TENM4: variants seen among roughly 807,000 people sequenced by gnomAD.
TENM4 encodes teneurin transmembrane protein 4.
TENM4 carries 82 observed loss-of-function variants against 243.3 expected under a neutral mutation model. The observed-to-expected ratio is 0.34, with a 90% CI of 0.28 to 0.40. The LOEUF (loss-of-function observed/expected upper bound fraction) is 0.40, where lower values mean the gene tolerates loss of function less well. TENM4 is among the 10% of genes least tolerant of loss of function. The pLI is 1.00. For synonymous variants in TENM4, 1,412 were observed against 1,456.3 expected, an observed-to-expected ratio of 0.97 and a Z score of 0.69; for missense variants, 3,138 against 3,673.3, an observed-to-expected ratio of 0.85 and a Z score of 3.77.
chr11:79,130,747 CG>C (rs532473228), intron 4 of TENM4, among the ~76,000 whole-genome samples: 1 of 152,004 alleles, frequency 6.6e-6, no homozygotes, highest in Non-Finnish European at 1.5e-5. Context: ...GGTGTGAACT[CG>C]GGGGGCGGAG....
chr11:79,162,558 A>G (rs1862773257), intron 3 of TENM4, among the ~76,000 whole-genome samples: 1 of 152,096 alleles, frequency 6.6e-6, no homozygotes, highest in Admixed American at 6.6e-5. Flanking sequence ...GAAGATAAGT[A>G]TTATTTTCTA....
chr11:79,396,978 T>A (rs927670250), intron 1 of TENM4, among the ~76,000 whole-genome samples: 2 of 152,194 alleles, frequency 1.3e-5, no homozygotes, highest in Admixed American at 6.5e-5. Context: ...CCTCTTTGAG[T>A]TTCTCCTGAG....
At chr11:78,863,392 T>C (rs1047255971) in intron 9 of TENM4, among the ~76,000 whole-genome samples, 1 of 152,092 alleles carries the variant, frequency 6.6e-6, no homozygotes, top group Non-Finnish European at 1.5e-5. Flanking sequence ...TCTCAGGAGG[T>C]CTTGGTCTTT....
rs1289770738 is a variant in TENM4, at chr11:79,164,588, A to C, written c.-162-15782T>G. Among the ~76,000 whole-genome samples the C allele has an allele frequency of 3.4e-5, 5 of 145,696 alleles. No homozygotes were observed. In the East Asian group the frequency reaches 7.9e-4, roughly 23 times the overall value. ...TACTATATACTATATATATACATATATATATCTATATAGTACGGTTTGGCT... is the reference window on the plus strand; with the variant it reads ...TACTATATACTATATATATACATATCTATATCTATATAGTACGGTTTGGCT... On this transcript the variant is annotated intron_variant, in intron 3 of 33. Transcript: ENST00000278550.
chr11:79,297,125 CA>C (rs1856468065), intron 2 of TENM4, among the ~76,000 whole-genome samples: 1 of 152,154 alleles, frequency 6.6e-6, no homozygotes, highest in Non-Finnish European at 1.5e-5. Flanking sequence ...CTTGACGTAC[CA>C]AACAGTTGGG....
At chr11:78,716,195 C>T (rs768178393) in intron 25 of TENM4, among the ~76,000 whole-genome samples, 1 of 152,082 alleles carries the variant, frequency 6.6e-6, no homozygotes, top group Non-Finnish European at 1.5e-5. Flanking sequence ...CTTTCTACTT[C>T]CCCACCCTGC....
rs1855662924 is a variant in TENM4, at chr11:78,891,432, T to C, written c.750-96A>G. 2.7e-6 allele frequency: 3 copies of C among 1,117,338 alleles called. No homozygotes were observed. In the African/African-American group the frequency reaches 4.6e-5, roughly 17 times the overall value. 69.2% of individuals were successfully genotyped at this position (1,117,338 alleles called of 1,614,324 possible). Reference sequence around the variant, plus strand: ...ACAAAGTGGCTGTTTGGTGCAGCTGTGTGCGTAAGACCAGCGGGACACGGT... The same window carrying C: ...ACAAAGTGGCTGTTTGGTGCAGCTGCGTGCGTAAGACCAGCGGGACACGGT... On this transcript the variant is annotated intron_variant, in intron 7 of 33. Coordinates refer to ENST00000278550, the MANE Select transcript of TENM4 (RefSeq NM_001098816.3).
chr11:78,796,052 G>T lies in TENM4; in HGVS notation c.2180-8969C>A, dbSNP rs148431638. On this transcript the variant is annotated intron_variant, in intron 15 of 33. Coordinates refer to ENST00000278550, the MANE Select transcript of TENM4 (RefSeq NM_001098816.3). ...AGTTAATGAGCCTTGGAAACCACAC[G>T]GCCTTTCACCTCATTCAAGGAGCTT... Among the ~76,000 whole-genome samples, 886 of 152,082 alleles carry T rather than the reference G, an allele frequency of 5.8e-3. 23 individuals carry two copies. The highest frequency in any genetic ancestry group is 0.047 in the Admixed American group (712 of 15,266).
intron 4 of TENM4, among the ~76,000 whole-genome samples, chr11:79,087,271 A>C (rs1035531075): frequency 2.6e-5 from 4 of 152,248 alleles, no homozygotes; most frequent in East Asian, 1.9e-4. Flanking sequence ...CTCTGAGTGC[A>C]GAGGTATGTC....
At chr11:79,409,103 C>CGT (rs1323136993) in intron 1 of TENM4, among the ~76,000 whole-genome samples, 1 of 55,214 alleles carries the variant, frequency 1.8e-5, no homozygotes, top group African/African-American at 6.4e-5. Context: ...TGTGTGTGTG[C>CGT]GCGCGCGCGC....
chr11:78,786,544 C>T (rs115400856), intron 16 of TENM4, among the ~76,000 whole-genome samples: 1,541 of 152,352 alleles, frequency 0.01, 33 homozygotes, highest in African/African-American at 0.035. Context: ...AGAAAGTTGA[C>T]GGGGCTTGCC....
intron 2 of TENM4, among the ~76,000 whole-genome samples, chr11:79,261,922 C>A (rs1855805695): frequency 6.6e-6 from 1 of 152,172 alleles, no homozygotes; most frequent in African/African-American, 2.4e-5. Context: ...AAGTCATATG[C>A]ATGGTCCATG....
At chr11:78,829,199 C>T (rs1280483794) in intron 12 of TENM4, among the ~76,000 whole-genome samples, 1 of 152,224 alleles carries the variant, frequency 6.6e-6, no homozygotes, top group Non-Finnish European at 1.5e-5. Flanking sequence ...AGGGCCCTAT[C>T]TCCCCATGTG....
At chr11:79,249,560 A>G (rs1218266166) in intron 2 of TENM4, among the ~76,000 whole-genome samples, 1 of 152,222 alleles carries the variant, frequency 6.6e-6, no homozygotes, top group Admixed American at 6.5e-5. Context: ...CTTTTCTGAG[A>G]AACAGGAATT....
chr11:79,348,974 A>G (rs569138647), intron 1 of TENM4, among the ~76,000 whole-genome samples: 4 of 152,202 alleles, frequency 2.6e-5, no homozygotes, highest in Non-Finnish European at 5.9e-5. Context: ...TGGAAATGCC[A>G]ATCATAGAAT....
At chr11:79,149,606 G>A (rs1426980278) in intron 3 of TENM4, among the ~76,000 whole-genome samples, 1 of 152,088 alleles carries the variant, frequency 6.6e-6, no homozygotes, top group African/African-American at 2.4e-5. Flanking sequence ...CACTGTGGTA[G>A]GTGAATATGG....
intron 6 of TENM4, among the ~76,000 whole-genome samples, chr11:78,916,042 A>C (rs775204870): frequency 6.6e-6 from 1 of 152,196 alleles, no homozygotes; most frequent in African/African-American, 2.4e-5. Context: ...CACACTGGTC[A>C]TATTACAGAC....
intron 1 of TENM4, among the ~76,000 whole-genome samples, chr11:79,339,125 G>T (rs1231055399): frequency 6.6e-6 from 1 of 152,232 alleles, no homozygotes; most frequent in African/African-American, 2.4e-5. Flanking sequence ...AGCATCAGGA[G>T]AGTGGCAGGC....
At chr11:79,070,159 G>A (rs1283833684) in intron 4 of TENM4, 150 bp from the exon 5 acceptor site, 3 of 1,039,876 alleles carry the variant, frequency 2.9e-6, no homozygotes, top group African/African-American at 1.6e-5. Context: ...CAGCCCATAA[G>A]TGGCAAAGGA....
Sources: allele counts gnomAD v4.1 joint callset (sites outside exome capture counted in the v4.1 genomes callset), GRCh38; gene constraint gnomAD v4.1.1; transcripts MANE v1.5; gene names NCBI Gene and HGNC (gene_info 2026-07-23, HGNC 2026-07-21).